Variants in NKAIN3 observed in about 807,000 individuals in gnomAD.
The protein encoded by NKAIN3 is sodium/potassium transporting ATPase interacting 3.
NKAIN3 carries 25 observed loss-of-function variants against 30.2 expected under a neutral mutation model. The ratio of observed to expected loss-of-function variants is 0.83; its 90% CI spans 0.60 to 1.16. NKAIN3 has a LOEUF of 1.16. Among genes scored for constraint, NKAIN3 ranks in the 50% most tolerant of loss-of-function variants. NKAIN3 has a pLI of 0.00. For missense variants in NKAIN3, 225 were observed against 254.1 expected (o/e 0.89, Z 0.78); for synonymous variants, 91 against 89.6 (o/e 1.02, Z -0.09).
At chr8:62,840,762 A>T (rs1419913867) in intron 4 of NKAIN3, among the ~76,000 whole-genome samples, 1 of 152,138 alleles carries the variant, frequency 6.6e-6, no homozygotes, top group Non-Finnish European at 1.5e-5. Context: ...TAAAGGAAAA[A>T]TATAACTATG....
intron 1 of NKAIN3, among the ~76,000 whole-genome samples, chr8:62,302,338 C>T (rs1026789684): frequency 5.9e-5 from 9 of 152,024 alleles, no homozygotes; most frequent in Non-Finnish European, 1.5e-5. Context: ...ACTTCTTTTG[C>T]AGTCCTTTTC....
intron 3 of NKAIN3, among the ~76,000 whole-genome samples, chr8:62,689,490 G>A (rs1813895306): frequency 6.6e-6 from 1 of 152,100 alleles, no homozygotes; most frequent in African/African-American, 2.4e-5. Flanking sequence ...CCCATCAGAA[G>A]CTCCCAAACA....
chr8:62,769,483 G>A (rs996773931), intron 4 of NKAIN3, among the ~76,000 whole-genome samples: 6 of 152,264 alleles, frequency 3.9e-5, no homozygotes, highest in African/African-American at 1.4e-4. Context: ...GGTTAATTCA[G>A]TTCATTCAAC....
At chr8:62,926,490 C>A (rs546692071) in intron 5 of NKAIN3, among the ~76,000 whole-genome samples, 1 of 152,106 alleles carries the variant, frequency 6.6e-6, no homozygotes, top group East Asian at 1.9e-4. Context: ...AGCCGCCCAA[C>A]CCGCTCCAGG....
At chr8:62,559,953 A>T (rs1168989606) in intron 1 of NKAIN3, among the ~76,000 whole-genome samples, 1 of 152,108 alleles carries the variant, frequency 6.6e-6, no homozygotes, top group East Asian at 1.9e-4. Flanking sequence ...GTCTGCTGGC[A>T]ACAAATTTTG....
At chr8:62,579,202 A>T (rs965531480) in intron 1 of NKAIN3, among the ~76,000 whole-genome samples, 2 of 152,046 alleles carry the variant, frequency 1.3e-5, no homozygotes, top group Non-Finnish European at 2.9e-5. Flanking sequence ...ATTAAACATA[A>T]TTTTTAATAT....
rs1469970998 is a variant in NKAIN3, at chr8:62,746,950, T to C, written c.292T>C (p.Phe98Leu). The C allele has an allele frequency of 6.2e-7, 1 of 1,610,082 alleles. No individual in the cohort carries two copies. Among genetic ancestry groups the C allele is most frequent in the Admixed American group, 1.7e-5 (1 of 59,982 alleles). ...GLSKDTDLMT[F>L]NISVHRSWWR... is the part of the protein sequence containing the mutation. ...CACCTAGGACACCGATCTAATGACA[T>C]TCAATATCTCTGTACATCGGTCATG... Residue 98 changes from phenylalanine to leucine, a missense_variant, in exon 4 of 7, where the codon TTC (phenylalanine) becomes CTC (leucine). Physicochemically the swap from Phe to Leu is conservative, Grantham distance 22 (BLOSUM62 0). Transcript: ENST00000623646.
At chr8:62,883,461 T>TGTTTTTTTTTTTG (rs1821055296) in intron 4 of NKAIN3, among the ~76,000 whole-genome samples, 1 of 145,094 alleles carries the variant, frequency 6.9e-6, no homozygotes, top group South Asian at 2.3e-4. Context: ...TTATGGGTTT[T>TGTTTTTTTTTTTG]TTTTTTTTTT....
At chr8:62,358,623 A>G (rs1275285309) in intron 1 of NKAIN3, among the ~76,000 whole-genome samples, 2 of 152,198 alleles carry the variant, frequency 1.3e-5, no homozygotes, top group Non-Finnish European at 2.9e-5. Flanking sequence ...CAGGATTCTC[A>G]GACACAAATT....
chr8:62,744,240 CA>C (rs1301423469), intron 3 of NKAIN3, among the ~76,000 whole-genome samples: 1 of 152,022 alleles, frequency 6.6e-6, no homozygotes, highest in Non-Finnish European at 1.5e-5. Context: ...AGCTCCCACA[CA>C]AAAAACTTAA....
At chr8:62,701,535 C>T in intron 3 of NKAIN3, among the ~76,000 whole-genome samples, 1 of 152,120 alleles carries the variant, frequency 6.6e-6, no homozygotes, top group Non-Finnish European at 1.5e-5. Context: ...ACTAACGATC[C>T]CTCCTGCGCT....
chr8:62,306,577 T>TGTTG lies in NKAIN3; in HGVS notation c.54+57450_54+57451insGTTG, dbSNP rs369616688. 1.6e-3 allele frequency among the ~76,000 whole-genome samples: 199 copies of TGTTG among 123,762 alleles called. 3 individuals are homozygous for TGTTG. The highest frequency in any genetic ancestry group is 5.7e-3 in the African/African-American group (175 of 30,934). 81.2% of individuals were successfully genotyped at this position (123,762 alleles called of 152,430 possible). On this transcript the variant is annotated intron_variant, in intron 1 of 6. Coordinates refer to ENST00000623646, the MANE Select transcript of NKAIN3 (RefSeq NM_001304533.3). ...GTGTGTGTGTGTGTGTGTGTGTGTG[T>TGTTG]TGTGTGTGTGTTTAGTTTATGTGTG...
At chr8:62,950,232 A>C (rs11995803) in intron 5 of NKAIN3, among the ~76,000 whole-genome samples, 3,495 of 152,270 alleles carry the variant, frequency 0.023, 53 homozygotes, top group South Asian at 0.031. Flanking sequence ...AAAAAGCTTT[A>C]AGAATCTGTA....
intron 1 of NKAIN3, among the ~76,000 whole-genome samples, chr8:62,317,249 C>A (rs939077883): frequency 7.2e-5 from 11 of 152,178 alleles, no homozygotes; most frequent in Non-Finnish European, 1.5e-4. Flanking sequence ...ATAGTAGTTT[C>A]TTTTGCCGTG....
chr8:62,612,299 T>A (rs1051393163), intron 3 of NKAIN3, among the ~76,000 whole-genome samples: 1 of 151,994 alleles, frequency 6.6e-6, no homozygotes, highest in Admixed American at 6.6e-5. Context: ...TGCTCTCACA[T>A]TGGGTGCGTA....
intron 4 of NKAIN3, among the ~76,000 whole-genome samples, chr8:62,867,154 T>C (rs2130795701): frequency 6.6e-6 from 1 of 151,926 alleles, no homozygotes; most frequent in Non-Finnish European, 1.5e-5. Flanking sequence ...TCTCTATTTT[T>C]CGTATTCAAG....
intron 1 of NKAIN3, among the ~76,000 whole-genome samples, chr8:62,330,044 T>A (rs567201039): frequency 6.6e-6 from 1 of 151,848 alleles, no homozygotes; most frequent in East Asian, 1.9e-4. Flanking sequence ...AACAGCCAAA[T>A]GAATGAAAGA....
intron 1 of NKAIN3, among the ~76,000 whole-genome samples, chr8:62,527,128 A>T (rs1228177676): frequency 1.3e-5 from 2 of 152,298 alleles, no homozygotes; most frequent in East Asian, 3.9e-4. Context: ...CTCATGACAG[A>T]CTGCGTGTCA....
intron 5 of NKAIN3, among the ~76,000 whole-genome samples, chr8:62,940,150 T>TG (rs1554594600): frequency 6.9e-6 from 1 of 145,436 alleles, no homozygotes; most frequent in Non-Finnish European, 1.5e-5. Context: ...CAACAACAGT[T>TG]AAAAAAAAAA....
Sources: gnomAD v4.1 joint callset for allele counts (sites outside exome capture counted in the v4.1 genomes callset) on GRCh38, gnomAD v4.1.1 for gene constraint, MANE v1.5 for transcripts, NCBI Gene and HGNC (gene_info 2026-07-23, HGNC 2026-07-21) for gene names.